Variants in RAB22A observed in about 807,000 individuals in gnomAD.
RAB22A encodes ras-related protein Rab-22A.
Under a neutral mutation model 30.2 loss-of-function variants are expected in RAB22A, and 13 were observed. The ratio of observed to expected loss-of-function variants is 0.43; its 90% CI spans 0.28 to 0.68. RAB22A has a LOEUF of 0.68. Among genes scored for constraint, RAB22A ranks in the 30% least tolerant of loss-of-function variants. The pLI is 0.18. For synonymous variants in RAB22A, 89 were observed against 87.2 expected (o/e 1.02, Z -0.11); for missense variants, 177 against 246.8 (o/e 0.72, Z 1.89).
At chr20:58,338,122 G>A (rs1986791985) in intron 2 of RAB22A, among the ~76,000 whole-genome samples, 2 of 151,928 alleles carry the variant, frequency 1.3e-5, no homozygotes, top group African/African-American at 4.8e-5. Context: ...CATCTCCTGG[G>A]TTCAAGTAAT....
At chr20:58,335,710 G>A (rs754331808) in intron 2 of RAB22A, among the ~76,000 whole-genome samples, 5 of 152,148 alleles carry the variant, frequency 3.3e-5, no homozygotes, top group Admixed American at 6.5e-5. Flanking sequence ...TGTTTTGTAC[G>A]TTTTGAATAT....
At chr20:58,312,280 T>C (rs1197616404) in intron 2 of RAB22A, among the ~76,000 whole-genome samples, 7 of 133,496 alleles carry the variant, frequency 5.2e-5, no homozygotes, top group Non-Finnish European at 1.1e-4. Context: ...TTTTGTCTGC[T>C]TTTTTTTTTT....
intron 2 of RAB22A, among the ~76,000 whole-genome samples, chr20:58,324,300 T>C (rs1986515437): frequency 9.4e-6 from 1 of 106,862 alleles, no homozygotes; most frequent in African/African-American, 5.2e-5. Flanking sequence ...TTTTAATACA[T>C]TGGGGTTTTT....
chr20:58,349,046 A>T (rs1355164313), intron 3 of RAB22A, among the ~76,000 whole-genome samples: 1 of 152,184 alleles, frequency 6.6e-6, no homozygotes, highest in Non-Finnish European at 1.5e-5. Flanking sequence ...CCAGGTTTGG[A>T]GCAGAGATGT....
At chr20:58,330,983 C>T (rs189937721) in intron 2 of RAB22A, among the ~76,000 whole-genome samples, 1 of 152,186 alleles carries the variant, frequency 6.6e-6, no homozygotes, top group East Asian at 1.9e-4. Context: ...CTCTCTATTT[C>T]CAGCCACACT....
chr20:58,359,795 C>A lies in RAB22A; in HGVS notation c.*92C>A. The A allele has an allele frequency of 1.7e-6, 2 of 1,167,622 alleles. No individual in the cohort carries two copies. The highest frequency in any genetic ancestry group is 2.5e-6 in the Non-Finnish European group (2 of 811,104). 72.3% of individuals were successfully genotyped at this position (1,167,622 alleles called of 1,614,324 possible). ...GTCCCTGCCACCAGTTTTCACCTAGCCAGTCTTGAGTCTTCTCCGTGCAAA... is the reference window on the plus strand; with the variant it reads ...GTCCCTGCCACCAGTTTTCACCTAGACAGTCTTGAGTCTTCTCCGTGCAAA... On this transcript the variant is annotated 3_prime_UTR_variant, in exon 7 of 7. Transcript: ENST00000244040.
At position 58,362,256 on chromosome 20, in the gene RAB22A, T is replaced by A. The variant is rs1987239706; in HGVS notation, c.*2553T>A. 6.6e-6 allele frequency: 1 copy of A among 152,230 alleles called. No homozygotes were observed. Among genetic ancestry groups the A allele is most frequent in the Non-Finnish European group, 1.5e-5 (1 of 68,044 alleles). The allele number at this position is 152,230 out of a possible 1,614,324, so 9.4% of individuals were successfully genotyped here. A position where few individuals can be genotyped will look rare whatever the true frequency, so the allele number is the denominator to read the frequency against. On this transcript the variant is annotated 3_prime_UTR_variant, in exon 7 of 7. Coordinates refer to ENST00000244040, the MANE Select transcript of RAB22A (RefSeq NM_020673.3). ...GGAAAAAATATTTTCACTTATTTTATTTGCTTCTAAAATGCAAAGATGAAT... is the reference window on the plus strand; with the variant it reads ...GGAAAAAATATTTTCACTTATTTTAATTGCTTCTAAAATGCAAAGATGAAT...
At chr20:58,323,994 T>C (rs1280955754) in intron 2 of RAB22A, among the ~76,000 whole-genome samples, 2 of 152,176 alleles carry the variant, frequency 1.3e-5, no homozygotes, top group African/African-American at 4.8e-5. Flanking sequence ...TAGTTATTAT[T>C]TTTTAGAATT....
intron 2 of RAB22A, among the ~76,000 whole-genome samples, chr20:58,322,149 T>C (rs1986473474): frequency 6.6e-6 from 1 of 152,242 alleles, no homozygotes; most frequent in South Asian, 2.1e-4. Context: ...GAAATGTCTC[T>C]CTTTTGTCCC....
At chr20:58,315,809 G>C (rs1986324912) in intron 2 of RAB22A, among the ~76,000 whole-genome samples, 1 of 152,066 alleles carries the variant, frequency 6.6e-6, no homozygotes, top group African/African-American at 2.4e-5. Context: ...GGGCTATTGA[G>C]CTGATTTCAG....
intron 2 of RAB22A, among the ~76,000 whole-genome samples, chr20:58,321,877 T>G (rs922385894): frequency 6.6e-6 from 1 of 152,220 alleles, no homozygotes; most frequent in Non-Finnish European, 1.5e-5. Context: ...CACAGCTCAC[T>G]GCAGCCTCAA....
chr20:58,330,806 G>T (rs1017561222), intron 2 of RAB22A, among the ~76,000 whole-genome samples: 8 of 152,124 alleles, frequency 5.3e-5, no homozygotes, highest in Non-Finnish European at 8.8e-5. Context: ...CCCTACAGTT[G>T]GAAACAACTG....
chr20:58,338,026 T>TA (rs1330629634), intron 2 of RAB22A, among the ~76,000 whole-genome samples: 1 of 149,586 alleles, frequency 6.7e-6, no homozygotes, highest in East Asian at 1.9e-4. Context: ...TGTTTGTTTA[T>TA]TTTTTTTTAT....
chr20:58,315,854 G>C (rs1005213675), intron 2 of RAB22A, among the ~76,000 whole-genome samples: 4 of 152,118 alleles, frequency 2.6e-5, no homozygotes, highest in African/African-American at 9.7e-5. Context: ...CTGCCACTTG[G>C]AGTCAGTTCT....
rs1445601681 is a variant in RAB22A, at chr20:58,363,277, A to G, written c.*3574A>G. The G allele has an allele frequency of 2.0e-5, 3 of 152,140 alleles. No homozygotes were observed. The highest frequency in any genetic ancestry group is 7.2e-5 in the African/African-American group (3 of 41,436). The allele number at this position is 152,140 out of a possible 1,614,324, so 9.4% of individuals were successfully genotyped here. A position where few individuals can be genotyped will look rare whatever the true frequency, so the allele number is the denominator to read the frequency against. On this transcript the variant is annotated 3_prime_UTR_variant, in exon 7 of 7. Transcript: ENST00000244040. ...TTACAGAATTCTTTTTGGTACTTTC[A>G]CTTATTCTTTCAGAATACATCAAGG...
chr20:58,366,745 A>G lies in RAB22A; in HGVS notation c.*7042A>G, dbSNP rs1987326297. 1 of 152,248 alleles carries G rather than the reference A, an allele frequency of 6.6e-6. No individual in the cohort carries two copies. The highest frequency in any genetic ancestry group is 6.5e-5 in the Admixed American group (1 of 15,288). The allele number at this position is 152,248 out of a possible 1,614,324, so 9.4% of individuals were successfully genotyped here. A position where few individuals can be genotyped will look rare whatever the true frequency, so the allele number is the denominator to read the frequency against. ...GCTTACCGTGGGAACACGGCCAGTT[A>G]ACAAAATGGGTTTTGGTTTTTTGTT... On this transcript the variant is annotated 3_prime_UTR_variant, in exon 7 of 7. Coordinates refer to ENST00000244040, the MANE Select transcript of RAB22A (RefSeq NM_020673.3).
chr20:58,318,988 T>C (rs1986399737), intron 2 of RAB22A, among the ~76,000 whole-genome samples: 1 of 152,228 alleles, frequency 6.6e-6, no homozygotes, highest in South Asian at 2.1e-4. Flanking sequence ...GTATGTCGTA[T>C]GGAAAGCATT....
rs943350776 is a variant in RAB22A at position 58,366,797 on chromosome 20, G to C, written c.*7094G>C. On this transcript the variant is annotated 3_prime_UTR_variant, in exon 7 of 7. Coordinates refer to ENST00000244040, the MANE Select transcript of RAB22A (RefSeq NM_020673.3). ...TGTTTTGTTTTACCATTGGTAATAA[G>C]ATAGTTAACATAAGTGGTCAGAACT... 2.0e-5 allele frequency: 3 copies of C among 152,258 alleles called. No homozygotes were observed. The highest frequency in any genetic ancestry group is 2.9e-5 in the Non-Finnish European group (2 of 68,026). 9.4% of individuals were successfully genotyped at this position (152,258 alleles called of 1,614,324 possible). A position where few individuals can be genotyped will look rare whatever the true frequency, so the allele number is the denominator to read the frequency against.
chr20:58,349,659 T>C (rs1396323939), intron 3 of RAB22A, among the ~76,000 whole-genome samples: 1 of 152,206 alleles, frequency 6.6e-6, no homozygotes, highest in East Asian at 1.9e-4. Context: ...GGCATTCCGA[T>C]GAAACTTCAG....
Sources: allele counts gnomAD v4.1 joint callset (sites outside exome capture counted in the v4.1 genomes callset), GRCh38; gene constraint gnomAD v4.1.1; transcripts MANE v1.5; gene names NCBI Gene and HGNC (gene_info 2026-07-23, HGNC 2026-07-21).